SOX30: variants seen among roughly 807,000 people sequenced by gnomAD.
The protein encoded by SOX30 is transcription factor SOX-30.
In SOX30, 17 loss-of-function variants were observed where a neutral mutation model predicts 58.6. The ratio of observed to expected loss-of-function variants is 0.29; its 90% CI spans 0.20 to 0.44. The LOEUF (loss-of-function observed/expected upper bound fraction) is 0.44. SOX30 is among the 20% of genes least tolerant of loss of function. SOX30 has a pLI of 1.00. For synonymous variants in SOX30, 421 were observed against 400.2 expected (o/e 1.05, Z -0.62); for missense variants, 951 against 965.8 (o/e 0.98, Z 0.20).
Position 157,668,955 on chromosome 5 carries a change from C to T in SOX30, c.-3-1103G>A, listed in dbSNP as rs567313653. ...ATTTGTAAAGTGAGAATGGGAATCC[C>T]GGCTTTCCTCACTTCCCAGGATTGT... On this transcript the variant is annotated intron_variant, in intron 1 of 5. Transcript: ENST00000519442. Among the ~76,000 whole-genome samples, 5 of 152,242 alleles carry T rather than the reference C, an allele frequency of 3.3e-5. No homozygotes were observed. The East Asian group carries it at 7.7e-4, about 24-fold the overall frequency.
intron 1 of SOX30, among the ~76,000 whole-genome samples, chr5:157,649,856 T>G (rs547260855): frequency 6.6e-6 from 1 of 152,252 alleles, no homozygotes; most frequent in Non-Finnish European, 1.5e-5. Flanking sequence ...CTGACCTTCA[T>G]TCCTAGAACC....
chr5:157,650,979 G>A lies in SOX30; in HGVS notation c.967+133C>T, dbSNP rs1387043452. 4 of 664,010 alleles carry A rather than the reference G, an allele frequency of 6.0e-6. No homozygotes were observed. The East Asian group carries it at 7.9e-5, about 13-fold the overall frequency. 41.1% of individuals were successfully genotyped at this position (664,010 alleles called of 1,614,324 possible). A position where few individuals can be genotyped will look rare whatever the true frequency, so the allele number is the denominator to read the frequency against. ...TACAAGTCGATCAGAAGTGATACCTGTGCAGACTCTGCCCTGAAAACAATC... is the reference window on the plus strand; with the variant it reads ...TACAAGTCGATCAGAAGTGATACCTATGCAGACTCTGCCCTGAAAACAATC... On this transcript the variant is annotated intron_variant, in intron 1 of 4. Transcript: ENST00000265007.
In SOX30 at chr5:157,634,776, T is replaced by C. The variant is rs553515227; in HGVS notation, c.1880+3454A>G. 5.3e-5 allele frequency among the ~76,000 whole-genome samples: 8 copies of C among 152,168 alleles called. No homozygotes were observed. The South Asian group carries it at 1.5e-3, about 28-fold the overall frequency. On this transcript the variant is annotated intron_variant, in intron 4 of 4. Coordinates refer to ENST00000265007, the MANE Select transcript of SOX30 (RefSeq NM_178424.2). ...GATTCTCCTGCCTCAAGCTCCCGAA[T>C]AGCTGGGATTACAGGTGCCCACCAC... is the stretch of plus-strand genomic sequence containing the variant.
chr5:157,665,427 A>G (rs1759651453), intron 2 of SOX30, among the ~76,000 whole-genome samples: 1 of 152,078 alleles, frequency 6.6e-6, no homozygotes, highest in Non-Finnish European at 1.5e-5. Context: ...GAAGGGGAAC[A>G]TCACACACCG....
At chr5:157,646,612 G>C (rs759976055) in intron 3 of SOX30, 25 bp downstream of exon 3, 6 of 1,542,412 alleles carry the variant, frequency 3.9e-6, no homozygotes, top group Non-Finnish European at 3.5e-6. Context: ...TTAAAAAATA[G>C]TAATCTACAA....
chr5:157,656,731 G>A (rs1432560593), upstream of SOX30, among the ~76,000 whole-genome samples: 4 of 152,216 alleles, frequency 2.6e-5, no homozygotes, highest in Non-Finnish European at 5.9e-5. Flanking sequence ...AAGATCATTA[G>A]AAGTCATGAG....
At chr5:157,656,628 G>A (rs895999454), upstream of SOX30, among the ~76,000 whole-genome samples, 2 of 152,132 alleles carry the variant, frequency 1.3e-5, no homozygotes, top group African/African-American at 4.8e-5. Context: ...AGTAAAAATC[G>A]CTGAAAGTTA....
chr5:157,627,041 T>C (rs1052177764), intron 4 of SOX30, among the ~76,000 whole-genome samples: 6 of 152,240 alleles, frequency 3.9e-5, no homozygotes, highest in African/African-American at 1.4e-4. Flanking sequence ...GTTTTGGAAA[T>C]GCAGATGTGT....
chr5:157,642,145 G>A (rs1471471616), intron 3 of SOX30, among the ~76,000 whole-genome samples: 4 of 151,872 alleles, frequency 2.6e-5, no homozygotes, highest in African/African-American at 4.8e-5. Context: ...GCGAAACCCC[G>A]TCTCTACTAA....
chr5:157,668,556 C>T (rs1324959497), intron 1 of SOX30, among the ~76,000 whole-genome samples: 1 of 152,068 alleles, frequency 6.6e-6, no homozygotes, highest in African/African-American at 2.4e-5. Flanking sequence ...ATCCATCCAA[C>T]CACTCATCCA....
chr5:157,631,764 CAAAAAAAAA>C, intron 4 of SOX30, among the ~76,000 whole-genome samples: 1 of 84,662 alleles, frequency 1.2e-5, no homozygotes, highest in Middle Eastern at 8.2e-3. Context: ...GAACTCGTCT[CAAAAAAAAA>C]AAAAAAAAAA....
chr5:157,631,358 G>A (rs1043162937), intron 4 of SOX30, among the ~76,000 whole-genome samples: 3 of 151,978 alleles, frequency 2.0e-5, no homozygotes, highest in East Asian at 1.9e-4. Flanking sequence ...AAAATGAACC[G>A]TACTCTCACT....
intron 4 of SOX30, among the ~76,000 whole-genome samples, chr5:157,637,040 G>A (rs1309205341): frequency 6.6e-6 from 1 of 151,312 alleles, no homozygotes; most frequent in African/African-American, 2.4e-5. Context: ...GGCTGAGGCA[G>A]GAGAATCGCT....
chr5:157,636,158 T>A (rs1388650398), intron 4 of SOX30, among the ~76,000 whole-genome samples: 2 of 152,062 alleles, frequency 1.3e-5, no homozygotes, highest in African/African-American at 2.4e-5. Context: ...ACAGCTAGAG[T>A]GAGACTGTGG....
chr5:157,670,858 C>T (rs1759765607), intron 1 of SOX30, among the ~76,000 whole-genome samples: 1 of 152,224 alleles, frequency 6.6e-6, no homozygotes, highest in South Asian at 2.1e-4. Flanking sequence ...CTTTCTGGTC[C>T]ATTATGTGTG....
In SOX30 at chr5:157,638,579, G is replaced by T. The variant is rs929246953; in HGVS notation, c.1531C>A (p.Gln511Lys). 6 of 1,614,196 alleles carry T rather than the reference G, an allele frequency of 3.7e-6. No homozygotes were observed. Among genetic ancestry groups the T allele is most frequent in the Non-Finnish European group, 5.1e-6 (6 of 1,180,038 alleles). Residue 511 changes from glutamine (Q) to lysine (K), a missense_variant, in exon 4 of 5, where the codon CAA becomes AAA. Around this residue, in one of 7 missense-constraint regions of SOX30, gnomAD observed 381 missense variants for 390.0 expected, o/e 0.98. Coordinates refer to ENST00000265007, the MANE Select transcript of SOX30 (RefSeq NM_178424.2). The part of the protein sequence containing the change: ...SLPVYPALPP[Q>K]RFTGPSQTDT... Reference sequence around the variant, plus strand: ...GTTTGGGAAGGCCCAGTAAAGCGTTGGGGTGGGAGTGCTGGATAGACAGGT... The same window carrying T: ...GTTTGGGAAGGCCCAGTAAAGCGTTTGGGTGGGAGTGCTGGATAGACAGGT...
rs531873734 is a variant in SOX30 at position 157,637,659 on chromosome 5, T to C, written c.1880+571A>G. Reference sequence around the variant, plus strand: ...GACTAAATGATCTTAAGGTCCCTTATAGTTATTTTGCATGAAAAATTATAT... The same window carrying C: ...GACTAAATGATCTTAAGGTCCCTTACAGTTATTTTGCATGAAAAATTATAT... On this transcript the variant is annotated intron_variant, in intron 4 of 4. Transcript: ENST00000265007. 7.2e-5 allele frequency among the ~76,000 whole-genome samples: 11 copies of C among 152,276 alleles called. No individual in the cohort carries two copies. The East Asian group carries it at 2.1e-3, about 29-fold the overall frequency.
Position 157,651,648 on chromosome 5 carries a change from G to C in SOX30, c.431C>G (p.Pro144Arg), listed in dbSNP as rs1383930128. ...HVKAKKQKLG[P>R]SLDQSVGPRG... ...AGGCCCCACTGACTGATCCAGGCTGGGCCCCAGCTTCTGCTTCTTGGCCTT... is the reference window on the plus strand; with the variant it reads ...AGGCCCCACTGACTGATCCAGGCTGCGCCCCAGCTTCTGCTTCTTGGCCTT... The change falls in exon 1 of 5, where the codon CCC (proline) becomes CGC (arginine). Residue 144 changes from proline to arginine, a missense_variant. Pro to Arg is a moderately radical substitution (Grantham distance 103). This residue lies in a region of SOX30 where 363 missense variants were observed against 294.5 expected (regional missense o/e 1.23). Transcript: ENST00000265007. 1.9e-6 allele frequency: 3 copies of C among 1,612,106 alleles called. No individual in the cohort carries two copies. Among genetic ancestry groups the C allele is most frequent in the Non-Finnish European group, 2.5e-6 (3 of 1,179,704 alleles).
At chr5:157,663,301 T>C (rs1759610049) in intron 2 of SOX30, among the ~76,000 whole-genome samples, 2 of 152,084 alleles carry the variant, frequency 1.3e-5, no homozygotes, top group South Asian at 4.1e-4. Flanking sequence ...GTTCAACATA[T>C]GCAAATCAAT....
Sources: gnomAD v4.1 joint callset for allele counts (sites outside exome capture counted in the v4.1 genomes callset) on GRCh38, gnomAD v4.1.1 for gene constraint, gnomAD v4.1.1 regional missense constraint, MANE v1.5 for transcripts, NCBI Gene and HGNC (gene_info 2026-07-23, HGNC 2026-07-21) for gene names.